Variants in ARFGEF3 observed in about 807,000 individuals in gnomAD.
ARFGEF3 encodes brefeldin A-inhibited guanine nucleotide-exchange protein 3.
A neutral mutation model predicts 221.7 loss-of-function variants in ARFGEF3; 96 were observed. The observed-to-expected ratio is 0.43, with a 90% CI of 0.37 to 0.51. The LOEUF (loss-of-function observed/expected upper bound fraction) is 0.51, where lower values mean the gene tolerates loss of function less well. ARFGEF3 is among the 20% of genes least tolerant of loss of function. The probability of loss-of-function intolerance (pLI) is 0.00; values close to 1 mark genes in which losing one functional copy is unlikely to be tolerated. For missense variants in ARFGEF3, 2,410 were observed against 2,789.9 expected (o/e 0.86, Z 3.07); for synonymous variants, 1,145 against 1,126.8 (o/e 1.02, Z -0.32).
Position 138,162,379 on chromosome 6 carries a change from C to T in ARFGEF3, c.85+208C>T, listed in dbSNP as rs1238380664. 6.6e-6 allele frequency among the ~76,000 whole-genome samples: 1 copy of T among 152,230 alleles called. No homozygotes were observed. The highest frequency in any genetic ancestry group is 1.9e-4 in the East Asian group (1 of 5,182). ...CCTCCCCTCCGGTCTCTTTCACTCT[C>T]CGAAACCTTCCTCGGGAACCGCTGT... On this transcript the variant is annotated intron_variant, in intron 1 of 33. Coordinates refer to ENST00000251691, the MANE Select transcript of ARFGEF3 (RefSeq NM_020340.5). This position sits in a 1 kb window ranked among gnomAD's most constrained non-coding sequence, Gnocchi z 4.7.
intron 5 of ARFGEF3, among the ~76,000 whole-genome samples, chr6:138,235,165 A>G (rs1018562813): frequency 6.6e-6 from 1 of 152,094 alleles, no homozygotes; most frequent in African/African-American, 2.4e-5. Flanking sequence ...TGGCCTGCAG[A>G]CTTGTGTTTT....
chr6:138,201,962 A>G (rs1319335169), intron 2 of ARFGEF3, among the ~76,000 whole-genome samples: 1 of 152,216 alleles, frequency 6.6e-6, no homozygotes, highest in African/African-American at 2.4e-5. Flanking sequence ...TCTGTTAACC[A>G]TGACTATGCA....
intron 32 of ARFGEF3, among the ~76,000 whole-genome samples, chr6:138,332,677 A>G (rs1780248394): frequency 1.3e-5 from 2 of 152,218 alleles, no homozygotes; most frequent in South Asian, 2.1e-4. Context: ...AGTTTTAGCA[A>G]TAGATAGCAG....
At chr6:138,206,341 T>C (rs1583010478) in intron 2 of ARFGEF3, among the ~76,000 whole-genome samples, 3 of 147,138 alleles carry the variant, frequency 2.0e-5, no homozygotes, top group East Asian at 2.1e-4. Flanking sequence ...CAAATATCTC[T>C]CCTTTTTTTT....
chr6:138,187,999 G>T (rs1196427902), intron 2 of ARFGEF3, among the ~76,000 whole-genome samples: 1 of 152,188 alleles, frequency 6.6e-6, no homozygotes. Flanking sequence ...AGCTAAAGGC[G>T]ACTACATGAT....
chr6:138,284,271 C>A (rs1397360445), intron 14 of ARFGEF3, among the ~76,000 whole-genome samples: 3 of 152,110 alleles, frequency 2.0e-5, no homozygotes, highest in Non-Finnish European at 4.4e-5. Flanking sequence ...TGCCACTGTA[C>A]CCCAGCCTGG....
chr6:138,286,943 C>G (rs1295983962), intron 16 of ARFGEF3, 27 bp downstream of exon 16: 1 of 1,608,920 alleles, frequency 6.2e-7, no homozygotes, highest in Admixed American at 1.7e-5. Flanking sequence ...TGTTCCCTGG[C>G]CGTGGTCCTG....
At chr6:138,263,652 T>C in intron 12 of ARFGEF3, 41 bp downstream of exon 12, 1 of 1,523,614 alleles carries the variant, frequency 6.6e-7, no homozygotes, top group Non-Finnish European at 8.8e-7. Flanking sequence ...ACAAGATTAT[T>C]CAGAGCAGTT....
intron 2 of ARFGEF3, among the ~76,000 whole-genome samples, chr6:138,202,716 A>T (rs2114486640): frequency 6.6e-6 from 1 of 151,718 alleles, no homozygotes; most frequent in African/African-American, 2.4e-5. Context: ...TAAGCATTTC[A>T]TTTTAAGTAA....
rs760423333 is a variant in ARFGEF3, at chr6:138,263,055, A to C, written c.1572A>C (p.Thr524=). ...TTLEGELGQT[T]PEDHSGNHKN... ...TCGAGGGAGAGTTGGGTCAGACTAC[A>C]CCCGAGGACCATTCGGGAAACCACA... is the stretch of plus-strand genomic sequence containing the variant. Residue 524 remains threonine (T), a synonymous_variant, in exon 12 of 34, where the codon ACA becomes ACC. Transcript: ENST00000251691. 10 of 1,612,674 alleles carry C rather than the reference A, an allele frequency of 6.2e-6. No homozygotes were observed. The highest frequency in any genetic ancestry group is 7.6e-6 in the Non-Finnish European group (9 of 1,179,418).
rs139072036 is a variant in ARFGEF3 at position 138,314,640 on chromosome 6, T to C, written c.4345+701T>C. On this transcript the variant is annotated intron_variant, in intron 26 of 33. Transcript: ENST00000251691. ...CAAATTGCATGCTTCCAAAATACAA[T>C]GGTAGGAAGGCATAGGATAGACATT... Among the ~76,000 whole-genome samples the C allele has an allele frequency of 1.6e-3, 240 of 152,162 alleles. 1 individual carries two copies. Among genetic ancestry groups the C allele is most frequent in the African/African-American group, 5.5e-3 (227 of 41,506 alleles).
At chr6:138,279,910 C>T (rs1338547185) in intron 13 of ARFGEF3, 89 bp from the exon 14 acceptor site, 2 of 1,323,192 alleles carry the variant, frequency 1.5e-6, no homozygotes, top group Admixed American at 1.7e-5. Context: ...GTTCAGGGCT[C>T]TGTGACGTGA....
At chr6:138,203,201 A>G (rs1180005491) in intron 2 of ARFGEF3, among the ~76,000 whole-genome samples, 1 of 152,114 alleles carries the variant, frequency 6.6e-6, no homozygotes, top group African/African-American at 2.4e-5. Context: ...TGGGTTAAGA[A>G]GCACATCTAT....
intron 22 of ARFGEF3, among the ~76,000 whole-genome samples, chr6:138,300,772 G>T (rs149884010): frequency 6.6e-6 from 1 of 152,252 alleles, no homozygotes; most frequent in Non-Finnish European, 1.5e-5. Flanking sequence ...AGGATCTTGA[G>T]GCAAAAGGGA....
intron 2 of ARFGEF3, among the ~76,000 whole-genome samples, chr6:138,183,936 G>A (rs1316026826): frequency 1.3e-5 from 2 of 152,184 alleles, no homozygotes; most frequent in Non-Finnish European, 2.9e-5. Context: ...CTGTCCAGAG[G>A]AGGGCATTGC....
chr6:138,287,691 G>A lies in ARFGEF3; in HGVS notation c.2896+507G>A, dbSNP rs1478524074. 2.0e-5 allele frequency among the ~76,000 whole-genome samples: 3 copies of A among 152,222 alleles called. No individual in the cohort carries two copies. The East Asian group carries it at 5.8e-4, about 29-fold the overall frequency. Reference sequence around the variant, plus strand: ...TTAACTTGATGAAATCAGTGAGTCGGTGAAGCTGATGATTATCTGGATCTA... The same window carrying A: ...TTAACTTGATGAAATCAGTGAGTCGATGAAGCTGATGATTATCTGGATCTA... On this transcript the variant is annotated intron_variant, in intron 17 of 33. Transcript: ENST00000251691.
chr6:138,185,308 G>A (rs1777161370), intron 2 of ARFGEF3, among the ~76,000 whole-genome samples: 1 of 152,208 alleles, frequency 6.6e-6, no homozygotes, highest in South Asian at 2.1e-4. Context: ...CCTCCTGGCT[G>A]TGTTAAGGGG....
chr6:138,162,984 CCT>C lies in ARFGEF3; in HGVS notation c.85+820_85+821del, dbSNP rs890138307. Among the ~76,000 whole-genome samples, 4 of 152,212 alleles carry C rather than the reference CCT, an allele frequency of 2.6e-5. No individual in the cohort carries two copies. The highest frequency in any genetic ancestry group is 4.8e-5 in the African/African-American group (2 of 41,448). On this transcript the variant is annotated intron_variant, in intron 1 of 33. Coordinates refer to ENST00000251691, the MANE Select transcript of ARFGEF3 (RefSeq NM_020340.5). The surrounding 1 kb of genome is among the most constrained non-coding windows in gnomAD (Gnocchi z 4.7). ...GCCAGCGCAGCTAGCTCTATGGGCT[CCT>C]CTCTCTGCCTTGCTGGAGCCTGATG...
In ARFGEF3 at chr6:138,289,935, G is replaced by A. The variant is rs750737961; in HGVS notation, c.3014G>A (p.Ser1005Asn). 1 of 1,613,624 alleles carries A rather than the reference G, an allele frequency of 6.2e-7. No individual in the cohort carries two copies. The highest frequency in any genetic ancestry group is 1.7e-5 in the Admixed American group (1 of 59,978). Residue 1005 changes from serine (S) to asparagine (N), a missense_variant, in exon 18 of 34, where the codon AGC becomes AAC. By Grantham distance (46) the Ser-to-Asn change is conservative. Around this residue, in one of 5 missense-constraint regions of ARFGEF3, gnomAD observed 594 missense variants for 734.3 expected, o/e 0.81. Transcript: ENST00000251691. ...CTCAGCGTAGGCCTGGAGATGGGAA[G>A]CCACAACCCGGACTGCTGGCCACAC... ...AILSVGLEMG[S>N]HNPDCWPHVF...
Sources: gnomAD v4.1 joint callset for allele counts (sites outside exome capture counted in the v4.1 genomes callset) on GRCh38, gnomAD v4.1.1 for gene constraint, gnomAD v4.1.1 regional missense constraint, Gnocchi (gnomAD v3.1) non-coding constraint, MANE v1.5 for transcripts, NCBI Gene and HGNC (gene_info 2026-07-23, HGNC 2026-07-21) for gene names.